The following CNTN5 variants were observed in gnomAD, a reference collection of about 807,000 sequenced individuals.
CNTN5 encodes contactin-5.
A neutral mutation model predicts 129.1 loss-of-function variants in CNTN5; 77 were observed. The ratio of observed to expected loss-of-function variants is 0.60; its 90% CI spans 0.50 to 0.72. CNTN5 has a LOEUF of 0.72. CNTN5 is among the 30% of genes least tolerant of loss of function. CNTN5 has a pLI of 0.00. For synonymous variants in CNTN5, 509 were observed against 465.6 expected (o/e 1.09, Z -1.20); for missense variants, 1,478 against 1,328.8 (o/e 1.11, Z -1.75).
At chr11:100,180,095 A>C (rs1338647694) in intron 13 of CNTN5, among the ~76,000 whole-genome samples, 1 of 152,072 alleles carries the variant, frequency 6.6e-6, no homozygotes, top group Non-Finnish European at 1.5e-5. Flanking sequence ...ACTAGACAAA[A>C]ACATTAACAG....
intron 1 of CNTN5, among the ~76,000 whole-genome samples, chr11:99,227,848 A>G (rs1860773007): frequency 6.6e-6 from 1 of 152,122 alleles, no homozygotes; most frequent in Non-Finnish European, 1.5e-5. Context: ...TGTCTTTTTT[A>G]TTTAGCTTAT....
chr11:99,042,209 A>T (rs1364356382), intron 1 of CNTN5, among the ~76,000 whole-genome samples: 2 of 151,776 alleles, frequency 1.3e-5, no homozygotes, highest in Non-Finnish European at 2.9e-5. Flanking sequence ...ATTTATTTTT[A>T]AAAGTTTTTC....
chr11:99,080,531 G>A (rs1591158324), intron 1 of CNTN5, among the ~76,000 whole-genome samples: 1 of 152,182 alleles, frequency 6.6e-6, no homozygotes, highest in South Asian at 2.1e-4. Context: ...ATCAGCAGAA[G>A]AGAAGGGGCA....
intron 9 of CNTN5, among the ~76,000 whole-genome samples, chr11:100,017,712 A>T (rs1940904970): frequency 6.6e-6 from 1 of 152,044 alleles, no homozygotes; most frequent in African/African-American, 2.4e-5. Flanking sequence ...TTTTCATTTT[A>T]TAAAATCATC....
chr11:99,969,204 A>C lies in CNTN5; in HGVS notation c.877+12195A>C, dbSNP rs1951182081. ...TCAATTTGTCTTGAAACCTTGGGAG[A>C]ATTACTTAATACGTGGTAACAAATA... is the stretch of plus-strand genomic sequence containing the variant. On this transcript the variant is annotated intron_variant, in intron 8 of 24. Transcript: ENST00000524871. 2.0e-5 allele frequency among the ~76,000 whole-genome samples: 3 copies of C among 152,118 alleles called. No individual in the cohort carries two copies. In the South Asian group the frequency reaches 6.2e-4, roughly 31 times the overall value.
At chr11:99,241,204 T>A (rs1861532645) in intron 1 of CNTN5, among the ~76,000 whole-genome samples, 1 of 152,148 alleles carries the variant, frequency 6.6e-6, no homozygotes, top group Admixed American at 6.5e-5. Context: ...GCAATTTATT[T>A]CCTTGGATGT....
At chr11:99,571,692 G>C (rs777156795) in intron 3 of CNTN5, among the ~76,000 whole-genome samples, 1 of 152,140 alleles carries the variant, frequency 6.6e-6, no homozygotes, top group Non-Finnish European at 1.5e-5. Flanking sequence ...AAATGACTTA[G>C]GAGGGAAGGC....
chr11:100,001,398 T>C (rs1252730928), intron 8 of CNTN5, among the ~76,000 whole-genome samples: 1 of 152,160 alleles, frequency 6.6e-6, no homozygotes, highest in Non-Finnish European at 1.5e-5. Flanking sequence ...CAGATTACAA[T>C]TTGAGATGTG....
At chr11:99,734,441 C>T (rs1943633814) in intron 3 of CNTN5, among the ~76,000 whole-genome samples, 1 of 152,132 alleles carries the variant, frequency 6.6e-6, no homozygotes, top group Admixed American at 6.5e-5. Context: ...TCTCAGGCCA[C>T]CATAAGTGTT....
chr11:99,197,292 T>C (rs985110078), intron 1 of CNTN5, among the ~76,000 whole-genome samples: 2 of 151,946 alleles, frequency 1.3e-5, no homozygotes, highest in South Asian at 2.1e-4. Context: ...AATAATAAGA[T>C]ACTTAAATAG....
chr11:99,499,553 T>C (rs748059475), intron 2 of CNTN5, among the ~76,000 whole-genome samples: 1 of 152,194 alleles, frequency 6.6e-6, no homozygotes, highest in Non-Finnish European at 1.5e-5. Context: ...TTCTGTTCTT[T>C]ATAAATTACC....
In CNTN5 at chr11:99,663,793, G is replaced by A. The variant is rs77836701; in HGVS notation, c.55+107524G>A. Among the ~76,000 whole-genome samples the A allele has an allele frequency of 5.3e-3, 805 of 152,244 alleles. 20 individuals carry two copies. Among genetic ancestry groups the A allele is most frequent in the East Asian group, 0.025 (131 of 5,168 alleles). On this transcript the variant is annotated intron_variant, in intron 3 of 24. Coordinates refer to ENST00000524871, the MANE Select transcript of CNTN5 (RefSeq NM_014361.4). ...AGTTTCCTGAGGCCTTCCTGGGCAT[G>A]CAAAAGTGTGAGTCAATTAAACCTC... is the stretch of plus-strand genomic sequence containing the variant.
chr11:99,636,268 A>G (rs1223737193), intron 3 of CNTN5, among the ~76,000 whole-genome samples: 9 of 152,204 alleles, frequency 5.9e-5, no homozygotes, highest in African/African-American at 2.2e-4. Flanking sequence ...GCCTAGCCAA[A>G]TAATTACCCA....
intron 3 of CNTN5, among the ~76,000 whole-genome samples, chr11:99,608,911 C>T (rs370509919): frequency 6.6e-6 from 1 of 152,134 alleles, no homozygotes; most frequent in South Asian, 2.1e-4. Context: ...GTATTAAAAT[C>T]TAGCAATGGA....
chr11:99,247,476 T>TATTATA (rs1861870505), intron 1 of CNTN5, among the ~76,000 whole-genome samples: 1 of 151,656 alleles, frequency 6.6e-6, no homozygotes, highest in African/African-American at 2.4e-5. Flanking sequence ...TTATTATTAT[T>TATTATA]ATACTTTAAG....
chr11:99,849,124 A>G (rs1947793491), intron 6 of CNTN5, among the ~76,000 whole-genome samples: 1 of 151,926 alleles, frequency 6.6e-6, no homozygotes, highest in African/African-American at 2.4e-5. Flanking sequence ...GTATATACTT[A>G]ATTGAAGAAT....
chr11:99,145,508 T>C (rs1859739608), intron 1 of CNTN5, among the ~76,000 whole-genome samples: 1 of 152,176 alleles, frequency 6.6e-6, no homozygotes, highest in Admixed American at 6.5e-5. Context: ...ACGATTTTTC[T>C]TCTTATAATC....
chr11:99,930,082 A>G (rs1217244979), intron 7 of CNTN5, among the ~76,000 whole-genome samples: 1 of 152,092 alleles, frequency 6.6e-6, no homozygotes, highest in East Asian at 1.9e-4. Flanking sequence ...ATGTTGGCTA[A>G]TCGCAGTATG....
intron 4 of CNTN5, among the ~76,000 whole-genome samples, chr11:99,841,891 T>C (rs867661688): frequency 1.5e-5 from 1 of 64,886 alleles, no homozygotes; most frequent in South Asian, 7.0e-4. Flanking sequence ...TATACATATA[T>C]ATATATTTTT....
Sources: allele counts gnomAD v4.1 joint callset (sites outside exome capture counted in the v4.1 genomes callset), GRCh38; gene constraint gnomAD v4.1.1; transcripts MANE v1.5; gene names NCBI Gene and HGNC (gene_info 2026-07-23, HGNC 2026-07-21).